LETM1: variants seen among roughly 807,000 people sequenced by gnomAD.
LETM1 encodes leucine zipper and EF-hand containing transmembrane protein 1, also known as mitochondrial proton/calcium exchanger protein.
A neutral mutation model predicts 74.5 loss-of-function variants in LETM1; 50 were observed. The ratio of observed to expected loss-of-function variants is 0.67; its 90% confidence interval spans 0.53 to 0.85. The LOEUF is 0.85. Among genes scored for constraint, LETM1 ranks in the 40% least tolerant of loss-of-function variants. The probability of loss-of-function intolerance (pLI) is 0.00; values close to 1 mark genes in which losing one functional copy is unlikely to be tolerated. For missense variants in LETM1, 824 were observed against 967.8 expected, an observed-to-expected ratio of 0.85 and a Z score of 1.97; for synonymous variants, 446 against 407.1, an observed-to-expected ratio of 1.10 and a Z score of -1.15.
rs1722474349 is a variant in LETM1, at chr4:1,811,666, T to TC, written c.*2757dup. The TC allele has an allele frequency of 6.6e-6, 1 of 152,158 alleles. No homozygotes were observed. Among genetic ancestry groups the TC allele is most frequent in the South Asian group, 2.1e-4 (1 of 4,818 alleles). 9.4% of individuals were successfully genotyped at this position (152,158 alleles called of 1,614,324 possible). On this transcript the variant is annotated 3_prime_UTR_variant, in exon 14 of 14. Coordinates refer to ENST00000302787, the MANE Select transcript of LETM1 (RefSeq NM_012318.3). ...CACTGCGAACAAAGACAGAGCCGGC[T>TC]CCCCAGCACGCTCCTGCTAGCCCTG... is the stretch of plus-strand genomic sequence containing the variant.
chr4:1,856,039 G>GAC lies in LETM1; in HGVS notation c.-91_-90dup, dbSNP rs1713232124. The GAC allele has an allele frequency of 2.4e-6, 2 of 821,734 alleles. No individual in the cohort carries two copies. The highest frequency in any genetic ancestry group is 3.2e-6 in the Non-Finnish European group (2 of 625,722). The allele number at this position is 821,734 out of a possible 1,614,324, so 50.9% of individuals were successfully genotyped here. On this transcript the variant is annotated 5_prime_UTR_variant, in exon 1 of 14. Coordinates refer to ENST00000302787, the MANE Select transcript of LETM1 (RefSeq NM_012318.3). Reference sequence around the variant, plus strand: ...TCTTCGCCGTCCCGGCGGCGCTTCAGACCCGGCCCGCGCGGACGGCTGACA... The same window carrying GAC: ...TCTTCGCCGTCCCGGCGGCGCTTCAGACACCCGGCCCGCGCGGACGGCTGACA...
At chr4:1,828,687 A>ACC (rs572553356) in intron 6 of LETM1, among the ~76,000 whole-genome samples, 1 of 98,304 alleles carries the variant, frequency 1.0e-5, no homozygotes. Flanking sequence ...CGGGGGGCTG[A>ACC]CCCCCCAACC....
chr4:1,853,256 A>G (rs1385968978), intron 1 of LETM1, among the ~76,000 whole-genome samples: 1 of 152,196 alleles, frequency 6.6e-6, no homozygotes, highest in African/African-American at 2.4e-5. Flanking sequence ...CCTCTCCCAC[A>G]CAGCCCTTGG....
chr4:1,847,724 T>C (rs1365369096), intron 2 of LETM1, among the ~76,000 whole-genome samples: 1 of 149,484 alleles, frequency 6.7e-6, no homozygotes, highest in East Asian at 2.0e-4. Flanking sequence ...CTAGGGAGGC[T>C]GAGGCAGGAG....
At chr4:1,842,348 A>T (rs1712731159) in intron 2 of LETM1, among the ~76,000 whole-genome samples, 1 of 152,130 alleles carries the variant, frequency 6.6e-6, no homozygotes, top group South Asian at 2.1e-4. Flanking sequence ...AATCCAAAGA[A>T]TAAGGGCCAA....
At chr4:1,843,899 C>G (rs184903752) in intron 2 of LETM1, among the ~76,000 whole-genome samples, 1 of 152,184 alleles carries the variant, frequency 6.6e-6, no homozygotes, top group Non-Finnish European at 1.5e-5. Flanking sequence ...CTCAGACTGC[C>G]CCCTGGCCAG....
intron 6 of LETM1, among the ~76,000 whole-genome samples, chr4:1,828,787 C>T (rs1419433543): frequency 1.5e-4 from 22 of 143,336 alleles, no homozygotes; most frequent in African/African-American, 2.9e-4. Flanking sequence ...ACCCCCCGGA[C>T]GGGGCGGCTG....
At position 1,823,123 on chromosome 4, in the gene LETM1, T is replaced by C. The variant is rs1185753987; in HGVS notation, c.1341A>G (p.Glu447=). 1.1e-5 allele frequency: 18 copies of C among 1,592,412 alleles called. No individual in the cohort carries two copies. The highest frequency in any genetic ancestry group is 1.5e-5 in the Non-Finnish European group (17 of 1,167,884). ...CCACCTCGGCCACTTTCACCTGTGC[T>C]TCCTTTGCCTTCAGAAGAGGGTACA... ...LQTLPEIVAK[E]AQVKVAEVEG... Residue 447 remains glutamate, a synonymous_variant, in exon 9 of 14, where the codon GAA becomes GAG. Coordinates refer to ENST00000302787, the MANE Select transcript of LETM1 (RefSeq NM_012318.3).
chr4:1,822,118 A>G, intron 10 of LETM1, 63 bp downstream of exon 10: 1 of 1,341,634 alleles, frequency 7.5e-7, no homozygotes, highest in Non-Finnish European at 9.7e-7. Flanking sequence ...CTGCCCCACA[A>G]CTGTCCACAA....
chr4:1,839,353 G>C (rs1420691645), intron 3 of LETM1: 1 of 152,250 alleles, frequency 6.6e-6, no homozygotes. Context: ...AAGACAGAAA[G>C]GGCCTGCACC....
chr4:1,839,245 G>C (rs1311352755), intron 3 of LETM1: 1 of 152,212 alleles, frequency 6.6e-6, no homozygotes, highest in Non-Finnish European at 1.5e-5. Flanking sequence ...ACAGATGGCA[G>C]ATGTGGAACC....
intron 4 of LETM1, 50 bp from the exon 5 acceptor site, chr4:1,835,032 G>C (rs375725770): frequency 1.3e-6 from 2 of 1,588,916 alleles, no homozygotes; most frequent in East Asian, 2.3e-5. Context: ...ACTGTGGTTC[G>C]GGCAAGGAAA....
chr4:1,849,553 C>A (rs1712999439), intron 1 of LETM1, among the ~76,000 whole-genome samples: 1 of 152,180 alleles, frequency 6.6e-6, no homozygotes, highest in African/African-American at 2.4e-5. Flanking sequence ...CAGGCATGAG[C>A]CACCGTGCTC....
intron 2 of LETM1, among the ~76,000 whole-genome samples, chr4:1,844,886 G>GAAAAAAAAA (rs971183682): frequency 2.0e-5 from 1 of 51,046 alleles, no homozygotes; most frequent in Non-Finnish European, 4.3e-5. Context: ...TGTCTCTACA[G>GAAAAAAAAA]AAAAAAAAAA....
Position 1,814,448 on chromosome 4 carries a change from C to T in LETM1, c.2196G>A (p.Lys732=). The T allele has an allele frequency of 6.2e-7, 1 of 1,614,224 alleles. No individual in the cohort carries two copies. The highest frequency in any genetic ancestry group is 8.5e-7 in the Non-Finnish European group (1 of 1,180,002). ...EKEKAKEKAE[K]EVAEVKS Reference sequence around the variant, plus strand: ...TCTAGCTCTTCACCTCTGCGACCTCCTTCTCTGCCTTCTCTTTGGCCTTCT... The same window carrying T: ...TCTAGCTCTTCACCTCTGCGACCTCTTTCTCTGCCTTCTCTTTGGCCTTCT... Residue 732 remains lysine (K), a synonymous_variant, in exon 14 of 14, where the codon AAG becomes AAA. Transcript: ENST00000302787.
chr4:1,820,937 T>A (rs1711753164), intron 10 of LETM1, among the ~76,000 whole-genome samples: 1 of 151,868 alleles, frequency 6.6e-6, no homozygotes. Context: ...GGCAGGAGAA[T>A]CACTTGAGCC....
chr4:1,828,633 G>T (rs1319499905), intron 6 of LETM1, among the ~76,000 whole-genome samples: 1 of 133,678 alleles, frequency 7.5e-6, no homozygotes, highest in Non-Finnish European at 1.6e-5. Context: ...AGGGGCGGCC[G>T]GGCAGAGGCG....
intron 10 of LETM1, 80 bp downstream of exon 10, chr4:1,822,101 C>G: frequency 7.6e-7 from 1 of 1,309,942 alleles, no homozygotes. Context: ...CTAACCTGTC[C>G]CCATCCCTGC....
intron 3 of LETM1, among the ~76,000 whole-genome samples, chr4:1,840,485 G>A (rs1455286798): frequency 1.3e-5 from 2 of 151,980 alleles, no homozygotes; most frequent in East Asian, 3.9e-4. Flanking sequence ...GGCTAACACG[G>A]TGAAACCCCG....
Sources: gnomAD v4.1 joint callset for allele counts (sites outside exome capture counted in the v4.1 genomes callset) on GRCh38, gnomAD v4.1.1 for gene constraint, MANE v1.5 for transcripts, NCBI Gene and HGNC (gene_info 2026-07-23, HGNC 2026-07-21) for gene names.